The following ZC3H3 variants were observed in gnomAD, a reference collection of about 807,000 sequenced individuals.
ZC3H3 encodes zinc finger CCCH domain-containing protein 3.
Under a neutral mutation model 77.3 loss-of-function variants are expected in ZC3H3, and 36 were observed. That is an observed-to-expected ratio of 0.47 (90% CI 0.36 to 0.61). The LOEUF is 0.61. ZC3H3 is among the 20% of genes least tolerant of loss of function. ZC3H3 has a pLI of 0.00. For synonymous variants in ZC3H3, 626 were observed against 555.2 expected, an observed-to-expected ratio of 1.13 and a Z score of -1.79; for missense variants, 1,331 against 1,312.2, an observed-to-expected ratio of 1.01 and a Z score of -0.22.
At chr8:143,536,589 C>G in intron 2 of ZC3H3, 136 bp from the exon 3 acceptor site, 1 of 918,778 alleles carries the variant, frequency 1.1e-6, no homozygotes, top group Non-Finnish European at 1.6e-6. Context: ...CTTTCTGGAC[C>G]CTGCCTCCCT....
rs538563749 is a variant in ZC3H3 at position 143,465,705 on chromosome 8, C to A, written c.2307+12G>T. 4 of 1,613,478 alleles carry A rather than the reference C, an allele frequency of 2.5e-6. No individual in the cohort carries two copies. The African/African-American group carries it at 5.3e-5, about 21-fold the overall frequency. Reference sequence around the variant, plus strand: ...GGAACCCCGCCCACTCGGGCCCCCACAGACCACTCACCTTTGCACCCAGGG... The same window carrying A: ...GGAACCCCGCCCACTCGGGCCCCCAAAGACCACTCACCTTTGCACCCAGGG... On this transcript the variant is annotated intron_variant, in intron 9 of 11. Transcript: ENST00000262577.
intron 5 of ZC3H3, among the ~76,000 whole-genome samples, chr8:143,474,119 TGTA>T (rs1410456308): frequency 1.3e-5 from 2 of 151,824 alleles, no homozygotes; most frequent in Non-Finnish European, 2.9e-5. Flanking sequence ...GCACCCGGGG[TGTA>T]GCAGAGATGA....
At chr8:143,534,405 C>A (rs1822724119) in intron 3 of ZC3H3, among the ~76,000 whole-genome samples, 2 of 152,202 alleles carry the variant, frequency 1.3e-5, no homozygotes, top group African/African-American at 2.4e-5. Context: ...CCCAAACCCA[C>A]TCTTCCTGGC....
chr8:143,442,506 C>T lies in ZC3H3; in HGVS notation c.2308-1386G>A, dbSNP rs185079926. 1.7e-3 allele frequency among the ~76,000 whole-genome samples: 257 copies of T among 151,716 alleles called. 1 individual carries two copies. Among genetic ancestry groups the T allele is most frequent in the Admixed American group, 5.6e-3 (86 of 15,244 alleles). ...CTGCCACCAGCACAGGCATCCCACG[C>T]GGTACTGGGACGGGCGTGGGGGTGT... On this transcript the variant is annotated intron_variant, in intron 9 of 11. Transcript: ENST00000262577.
rs569025254 is a variant in ZC3H3 at position 143,538,119 on chromosome 8, C to T, written c.1248G>A (p.Ser416=). Residue 416 remains serine (S), a synonymous_variant, in exon 2 of 12, where the codon TCG becomes TCA. Transcript: ENST00000262577. The stretch of plus-strand genomic sequence containing the variant: ...TGTGTCCTACTGCTGGTCTGTCCCC[C>T]GACGGGGACCTAGACAGGACTGGGG... ...QLSPVLSRSP[S]GDRPAVGHSG... 2.5e-5 allele frequency: 41 copies of T among 1,613,186 alleles called. 1 individual carries two copies. Among genetic ancestry groups the T allele is most frequent in the Admixed American group, 2.2e-4 (13 of 60,028 alleles).
chr8:143,540,436 C>T (rs1242679927), intron 1 of ZC3H3, among the ~76,000 whole-genome samples: 1 of 152,148 alleles, frequency 6.6e-6, no homozygotes, highest in Non-Finnish European at 1.5e-5. Flanking sequence ...CGTCATGTTG[C>T]CCAGGATGGT....
At chr8:143,443,059 G>A (rs1160565565) in intron 9 of ZC3H3, among the ~76,000 whole-genome samples, 6 of 152,098 alleles carry the variant, frequency 3.9e-5, no homozygotes, top group Admixed American at 2.6e-4. Context: ...ATCACTTGAG[G>A]TCAGGAATTC....
chr8:143,507,135 G>C (rs186651405), intron 4 of ZC3H3, among the ~76,000 whole-genome samples: 1 of 152,236 alleles, frequency 6.6e-6, no homozygotes, highest in Non-Finnish European at 1.5e-5. Context: ...GAGGCCCAGA[G>C]GCTGAGCAAC....
At chr8:143,450,475 C>A (rs921139610) in intron 9 of ZC3H3, among the ~76,000 whole-genome samples, 1 of 152,144 alleles carries the variant, frequency 6.6e-6, no homozygotes, top group Non-Finnish European at 1.5e-5. Context: ...GCCACTGCAC[C>A]CAGTCAAGAC....
At chr8:143,514,034 G>A (rs551623855) in intron 3 of ZC3H3, among the ~76,000 whole-genome samples, 162 of 152,290 alleles carry the variant, frequency 1.1e-3, no homozygotes, top group African/African-American at 3.7e-3. Flanking sequence ...ACACAGAGTC[G>A]CCACCTTGGT....
chr8:143,438,118 G>A (rs191930318), intron 11 of ZC3H3, 31 bp from the exon 12 acceptor site: 248 of 1,595,034 alleles, frequency 1.6e-4, no homozygotes, highest in African/African-American at 9.2e-4. Flanking sequence ...TTAGGTGCCC[G>A]GAAACCCCTG....
Position 143,468,359 on chromosome 8 carries a change from C to T in ZC3H3, c.2105+23G>A, listed in dbSNP as rs759789543. On this transcript the variant is annotated intron_variant, in intron 7 of 11. Coordinates refer to ENST00000262577, the MANE Select transcript of ZC3H3 (RefSeq NM_015117.3). ...GCCCTGCACAGAACCTCCCCCAGGCCCACAGCGAGGGCAGGAGGGCACCTG... is the reference window on the plus strand; with the variant it reads ...GCCCTGCACAGAACCTCCCCCAGGCTCACAGCGAGGGCAGGAGGGCACCTG... The T allele has an allele frequency of 3.1e-6, 5 of 1,611,948 alleles. No individual in the cohort carries two copies. The South Asian group carries it at 5.5e-5, about 18-fold the overall frequency.
At chr8:143,445,411 A>C (rs1416815742) in intron 9 of ZC3H3, among the ~76,000 whole-genome samples, 1 of 66,422 alleles carries the variant, frequency 1.5e-5, no homozygotes, top group Admixed American at 2.0e-4. Flanking sequence ...ATAATAAAGA[A>C]CCTTATTAAA....
chr8:143,445,753 C>T (rs912131982), intron 9 of ZC3H3, among the ~76,000 whole-genome samples: 1 of 152,054 alleles, frequency 6.6e-6, no homozygotes. Flanking sequence ...AATACAGATG[C>T]CATCCCCACA....
chr8:143,460,293 A>T lies in ZC3H3; in HGVS notation c.2307+5424T>A, dbSNP rs190981174. On this transcript the variant is annotated intron_variant, in intron 9 of 11. Transcript: ENST00000262577. This position sits in a 1 kb window ranked among gnomAD's most constrained non-coding sequence, Gnocchi z 4.0. ...ATAAATAAATAAATAAATAAATAAA[A>T]GGCATCCCAATTGAAAAGGAAGAAG... Among the ~76,000 whole-genome samples, 1,260 of 140,286 alleles carry T rather than the reference A, an allele frequency of 9.0e-3. 14 individuals carry two copies. The highest frequency in any genetic ancestry group is 0.011 in the Non-Finnish European group (694 of 62,774). The allele number at this position is 140,286 out of a possible 152,430, so 92.0% of individuals were successfully genotyped here.
rs777681038 is a variant in ZC3H3, at chr8:143,538,296, T to C, written c.1071A>G (p.Pro357=). The change falls in exon 2 of 12, where the codon CCA becomes CCG. Residue 357 remains proline (P), a synonymous_variant. Transcript: ENST00000262577. ...KVEKPQLIAD[P]EPKPRKPATS... ...TGGCTGGCTTCCTGGGCTTGGGCTC[T>C]GGGTCAGCTATGAGCTGCGGCTTCT... The C allele has an allele frequency of 6.2e-7, 1 of 1,612,950 alleles. No individual in the cohort carries two copies. The highest frequency in any genetic ancestry group is 1.3e-5 in the African/African-American group (1 of 75,070).
At chr8:143,495,024 G>A (rs958481004) in intron 4 of ZC3H3, among the ~76,000 whole-genome samples, 7 of 152,198 alleles carry the variant, frequency 4.6e-5, no homozygotes, top group Admixed American at 1.3e-4. Context: ...GCGGCACGCT[G>A]GAAAGCAGTT....
At chr8:143,516,663 C>A (rs1338733947) in intron 3 of ZC3H3, among the ~76,000 whole-genome samples, 2 of 152,074 alleles carry the variant, frequency 1.3e-5, no homozygotes, top group African/African-American at 4.8e-5. Flanking sequence ...TGCATCCGGC[C>A]CCTCCTGGGA....
At chr8:143,489,289 A>AG (rs995644626) in intron 4 of ZC3H3, among the ~76,000 whole-genome samples, 26 of 141,222 alleles carry the variant, frequency 1.8e-4, no homozygotes, top group African/African-American at 6.2e-4. Context: ...CCCACTGGGC[A>AG]GGGGACGCCC....
Sources: allele counts gnomAD v4.1 joint callset (sites outside exome capture counted in the v4.1 genomes callset), GRCh38; gene constraint gnomAD v4.1.1; non-coding constraint Gnocchi (gnomAD v3.1); transcripts MANE v1.5; gene names NCBI Gene and HGNC (gene_info 2026-07-23, HGNC 2026-07-21).